The following RAD51B variants were observed in gnomAD, a reference collection of about 807,000 sequenced individuals.
RAD51B encodes RAD51 paralog B, also known as DNA repair protein RAD51 homolog 2.
A neutral mutation model predicts 42.2 loss-of-function variants in RAD51B; 38 were observed. The observed-to-expected ratio is 0.90, with a 90% CI of 0.70 to 1.18. RAD51B has a LOEUF of 1.18. Ranked by LOEUF, RAD51B falls within the 50% of genes most tolerant of loss-of-function variation. The pLI is 0.00. For synonymous variants in RAD51B, 154 were observed against 145.2 expected (o/e 1.06, Z -0.43); for missense variants, 373 against 400.7 (o/e 0.93, Z 0.59).
chr14:68,534,570 G>A (rs1887499620), intron 10 of RAD51B, among the ~76,000 whole-genome samples: 1 of 152,086 alleles, frequency 6.6e-6, no homozygotes, highest in Admixed American at 6.6e-5. Flanking sequence ...GGTGCTATGG[G>A]GAAAAACCAC....
At chr14:67,823,991 G>A (rs560050118) in intron 2 of RAD51B, among the ~76,000 whole-genome samples, 24 of 152,220 alleles carry the variant, frequency 1.6e-4, no homozygotes, top group Non-Finnish European at 3.1e-4. Context: ...TATTGATGGA[G>A]CATGAGAAAT....
At chr14:68,258,669 G>A (rs1030788103) in intron 7 of RAD51B, among the ~76,000 whole-genome samples, 1 of 152,078 alleles carries the variant, frequency 6.6e-6, no homozygotes, top group African/African-American at 2.4e-5. Flanking sequence ...AATGAACACT[G>A]CACCTTTTCC....
At chr14:68,505,574 G>A (rs1179302972) in intron 10 of RAD51B, among the ~76,000 whole-genome samples, 3 of 137,080 alleles carry the variant, frequency 2.2e-5, no homozygotes, top group Admixed American at 7.6e-5. Flanking sequence ...TTTTTGAGAC[G>A]GAGTCTCGCT....
intron 7 of RAD51B, among the ~76,000 whole-genome samples, chr14:68,240,670 G>A (rs757231658): frequency 3.3e-5 from 5 of 152,132 alleles, no homozygotes; most frequent in East Asian, 1.9e-4. Context: ...TCCCGTAGTC[G>A]TCCCAACTCA....
chr14:68,336,400 C>T (rs2082455883), intron 8 of RAD51B, among the ~76,000 whole-genome samples: 1 of 152,164 alleles, frequency 6.6e-6, no homozygotes, highest in Non-Finnish European at 1.5e-5. Flanking sequence ...GATTATATTT[C>T]CTTTTCATTA....
intron 7 of RAD51B, among the ~76,000 whole-genome samples, chr14:67,947,161 CATT>C (rs1157289014): frequency 6.6e-6 from 1 of 152,102 alleles, no homozygotes; most frequent in Non-Finnish European, 1.5e-5. Flanking sequence ...TTATCATCAT[CATT>C]AATAAACATC....
Position 68,306,663 on chromosome 14 carries a change from A to G in RAD51B, c.853+14683A>G, listed in dbSNP as rs759515686. Reference sequence around the variant, plus strand: ...CTAATAAACATTCTTGCAATTCTAAATGTACCTAGAGTTTGTGACAAGTGT... The same window carrying G: ...CTAATAAACATTCTTGCAATTCTAAGTGTACCTAGAGTTTGTGACAAGTGT... On this transcript the variant is annotated intron_variant, in intron 8 of 10. Transcript: ENST00000471583. 68 of 514,362 alleles carry G rather than the reference A, an allele frequency of 1.3e-4. 1 individual carries two copies. Among genetic ancestry groups the G allele is most frequent in the South Asian group, 9.3e-4 (66 of 70,706 alleles). 31.9% of individuals were successfully genotyped at this position (514,362 alleles called of 1,614,324 possible). A position where few individuals can be genotyped will look rare whatever the true frequency, so the allele number is the denominator to read the frequency against.
intron 11 of RAD51B, among the ~76,000 whole-genome samples, chr14:68,677,983 C>T (rs1033448745): frequency 2.0e-5 from 3 of 152,180 alleles, no homozygotes; most frequent in African/African-American, 7.2e-5. Flanking sequence ...AATACTGGCT[C>T]CCTTTCCCGT....
chr14:68,509,910 C>T (rs1427468644), intron 10 of RAD51B, among the ~76,000 whole-genome samples: 1 of 152,196 alleles, frequency 6.6e-6, no homozygotes, highest in African/African-American at 2.4e-5. Context: ...GGGGGGTGCC[C>T]CGCAAGCACT....
intron 7 of RAD51B, among the ~76,000 whole-genome samples, chr14:68,284,904 A>T (rs917613481): frequency 1.1e-4 from 16 of 152,196 alleles, no homozygotes; most frequent in African/African-American, 3.4e-4. Context: ...GGATGTGGAC[A>T]GGAAGGGTTT....
intron 7 of RAD51B, among the ~76,000 whole-genome samples, chr14:68,041,375 A>G (rs1467138830): frequency 6.6e-6 from 1 of 151,888 alleles, no homozygotes; most frequent in Non-Finnish European, 1.5e-5. Context: ...CTGTAGTGTT[A>G]TTTTCTTCAT....
intron 10 of RAD51B, among the ~76,000 whole-genome samples, chr14:68,518,714 G>A (rs948151785): frequency 1.3e-5 from 2 of 152,222 alleles, no homozygotes; most frequent in African/African-American, 4.8e-5. Context: ...CTTCCCTGCT[G>A]AAAGCTGGGT....
At chr14:68,167,185 T>C (rs755068108) in intron 7 of RAD51B, among the ~76,000 whole-genome samples, 40 of 152,286 alleles carry the variant, frequency 2.6e-4, no homozygotes, top group Non-Finnish European at 4.7e-4. Flanking sequence ...CTTAATAATC[T>C]TTACCTTGTT....
At chr14:68,467,737 G>C (rs985585018) in intron 9 of RAD51B, among the ~76,000 whole-genome samples, 2 of 152,218 alleles carry the variant, frequency 1.3e-5, no homozygotes, top group African/African-American at 2.4e-5. Context: ...ACCTTCAATT[G>C]CTTTGCCTTT....
chr14:68,017,873 A>G (rs908576157), intron 7 of RAD51B, among the ~76,000 whole-genome samples: 2 of 152,110 alleles, frequency 1.3e-5, no homozygotes, highest in Non-Finnish European at 2.9e-5. Flanking sequence ...CGGGACGCTG[A>G]GGCAGGAGAA....
chr14:68,315,355 T>G (rs537654076), intron 8 of RAD51B, among the ~76,000 whole-genome samples: 18 of 152,214 alleles, frequency 1.2e-4, no homozygotes, highest in Non-Finnish European at 1.9e-4. Context: ...CCTCTTGGAC[T>G]ATCTGATCTT....
At chr14:68,564,475 A>T (rs775116033) in intron 10 of RAD51B, among the ~76,000 whole-genome samples, 1 of 152,096 alleles carries the variant, frequency 6.6e-6, no homozygotes, top group Non-Finnish European at 1.5e-5. Flanking sequence ...TGTGAGAAGG[A>T]GCTGCTTGTT....
At chr14:68,258,351 T>C (rs1411847192) in intron 7 of RAD51B, among the ~76,000 whole-genome samples, 1 of 151,852 alleles carries the variant, frequency 6.6e-6, no homozygotes, top group Non-Finnish European at 1.5e-5. Context: ...TAGTGAGCCA[T>C]GATTGCACAT....
intron 7 of RAD51B, among the ~76,000 whole-genome samples, chr14:68,006,422 T>G (rs1432239316): frequency 6.6e-6 from 1 of 152,178 alleles, no homozygotes; most frequent in Admixed American, 6.5e-5. Context: ...TTTTTAAACC[T>G]ACTGATAAAA....
Sources: gnomAD v4.1 joint callset for allele counts (sites outside exome capture counted in the v4.1 genomes callset) on GRCh38, gnomAD v4.1.1 for gene constraint, MANE v1.5 for transcripts, NCBI Gene and HGNC (gene_info 2026-07-23, HGNC 2026-07-21) for gene names.